Variants in RBFOX1 observed in about 807,000 individuals in gnomAD.
The protein encoded by RBFOX1 is RNA binding fox-1 homolog 1, also known as RNA binding protein fox-1 homolog 1.
A neutral mutation model predicts 57.7 loss-of-function variants in RBFOX1; 8 were observed. The observed-to-expected ratio is 0.14, with a 90% confidence interval of 0.08 to 0.25. The LOEUF (loss-of-function observed/expected upper bound fraction) is 0.25, where lower values mean the gene tolerates loss of function less well. RBFOX1 is among the 10% of genes least tolerant of loss of function. The probability of loss-of-function intolerance (pLI) is 1.00; values close to 1 mark genes in which losing one functional copy is unlikely to be tolerated. For missense variants in RBFOX1, 611 were observed against 548.5 expected, an observed-to-expected ratio of 1.11 and a Z score of -1.14; for synonymous variants, 326 against 222.4, an observed-to-expected ratio of 1.47 and a Z score of -4.15.
At chr16:6,497,505 A>G (rs1402605645) in intron 2 of RBFOX1, among the ~76,000 whole-genome samples, 6 of 152,034 alleles carry the variant, frequency 3.9e-5, no homozygotes. Flanking sequence ...GCAATGGAGC[A>G]AGGACATGTG....
At chr16:7,590,816 G>A (rs867651262) in intron 7 of RBFOX1, among the ~76,000 whole-genome samples, 105 of 133,606 alleles carry the variant, frequency 7.9e-4, no homozygotes, top group African/African-American at 2.8e-3. Flanking sequence ...CCGAGATCAA[G>A]ACATTGCATT....
At chr16:6,575,859 T>TAAAA (rs1221771150) in intron 2 of RBFOX1, among the ~76,000 whole-genome samples, 3 of 94,956 alleles carry the variant, frequency 3.2e-5, no homozygotes, top group Non-Finnish European at 6.7e-5. Context: ...TCCATCTCAA[T>TAAAA]AAAAAATAAA....
At chr16:6,572,990 C>G (rs2097366495) in intron 2 of RBFOX1, among the ~76,000 whole-genome samples, 1 of 152,172 alleles carries the variant, frequency 6.6e-6, no homozygotes, top group Non-Finnish European at 1.5e-5. Flanking sequence ...ACCTTGAACT[C>G]AAGTCTAGTC....
At chr16:5,292,976 T>C (rs2063572906) in intron 1 of RBFOX1, among the ~76,000 whole-genome samples, 1 of 152,056 alleles carries the variant, frequency 6.6e-6, no homozygotes, top group African/African-American at 2.4e-5. Context: ...GGTGTCCCAC[T>C]GTGACTTGGG....
chr16:5,654,389 T>C (rs1045142561), intron 3 of RBFOX1, among the ~76,000 whole-genome samples: 8 of 152,280 alleles, frequency 5.3e-5, no homozygotes, highest in African/African-American at 1.7e-4. Context: ...ATTTATACCA[T>C]GGAAATTAGC....
At chr16:6,193,140 G>T (rs1029916327) in intron 1 of RBFOX1, among the ~76,000 whole-genome samples, 1 of 151,558 alleles carries the variant, frequency 6.6e-6, no homozygotes, top group South Asian at 2.1e-4. Context: ...AATCGTGTTG[G>T]TGAGGCAATG....
intron 3 of RBFOX1, among the ~76,000 whole-genome samples, chr16:6,657,163 C>G (rs1031956029): frequency 2.0e-5 from 3 of 150,934 alleles, no homozygotes; most frequent in Non-Finnish European, 4.4e-5. Context: ...CTCTTTTCCT[C>G]CTTCCCTTTT....
At chr16:6,842,229 A>T (rs12596106) in intron 3 of RBFOX1, among the ~76,000 whole-genome samples, 4,841 of 152,222 alleles carry the variant, frequency 0.032, 250 homozygotes, top group Admixed American at 0.13. Context: ...GTCTCAGCTG[A>T]ATAATACCTC....
chr16:5,470,946 G>C (rs2069114207), intron 2 of RBFOX1, among the ~76,000 whole-genome samples: 1 of 152,118 alleles, frequency 6.6e-6, no homozygotes, highest in South Asian at 2.1e-4. Flanking sequence ...CCGCATCCTG[G>C]GTTCAAGCGA....
chr16:6,990,678 T>G (rs563833410), intron 3 of RBFOX1, among the ~76,000 whole-genome samples: 17 of 152,166 alleles, frequency 1.1e-4, no homozygotes, highest in Non-Finnish European at 2.5e-4. Flanking sequence ...AAAGCCGTGA[T>G]CAGTTTTGCA....
chr16:6,948,847 C>G (rs1355235511), intron 3 of RBFOX1, among the ~76,000 whole-genome samples: 1 of 152,134 alleles, frequency 6.6e-6, no homozygotes, highest in Admixed American at 6.5e-5. Flanking sequence ...TGTCATCAGT[C>G]TTCTGTCCGT....
intron 1 of RBFOX1, among the ~76,000 whole-genome samples, chr16:5,261,952 A>G (rs989518851): frequency 1.3e-5 from 2 of 152,196 alleles, no homozygotes; most frequent in Non-Finnish European, 2.9e-5. Flanking sequence ...GCTATATTCC[A>G]TGAGATATTT....
At chr16:5,962,044 T>C (rs1180689065) in intron 4 of RBFOX1, among the ~76,000 whole-genome samples, 1 of 152,226 alleles carries the variant, frequency 6.6e-6, no homozygotes, top group Non-Finnish European at 1.5e-5. Flanking sequence ...GCTCCTGTTC[T>C]CGTGGTACAA....
chr16:5,969,298 C>CTTTTTT (rs71142659), intron 4 of RBFOX1, among the ~76,000 whole-genome samples: 6,616 of 84,302 alleles, frequency 0.078, 5 homozygotes, highest in East Asian at 0.13. Context: ...TTCGGTTGTT[C>CTTTTTT]TTTTTTTTTT....
At chr16:6,206,062 G>C (rs1330195245) in intron 1 of RBFOX1, among the ~76,000 whole-genome samples, 3 of 151,942 alleles carry the variant, frequency 2.0e-5, no homozygotes. Flanking sequence ...TGAAGATGAG[G>C]CTGAAAAGTA....
chr16:7,090,788 T>A (rs952395337), intron 4 of RBFOX1, among the ~76,000 whole-genome samples: 1 of 152,142 alleles, frequency 6.6e-6, no homozygotes, highest in Non-Finnish European at 1.5e-5. Context: ...ACGGACTTCT[T>A]GGAAAAGCAG....
At chr16:7,494,622 T>A (rs1004445943) in intron 4 of RBFOX1, among the ~76,000 whole-genome samples, 1 of 152,176 alleles carries the variant, frequency 6.6e-6, no homozygotes, top group African/African-American at 2.4e-5. Flanking sequence ...ATGAAGGGTA[T>A]GCAGTTTTTA....
At chr16:6,194,105 G>C (rs999302807) in intron 1 of RBFOX1, among the ~76,000 whole-genome samples, 1 of 152,064 alleles carries the variant, frequency 6.6e-6, no homozygotes, top group Non-Finnish European at 1.5e-5. Flanking sequence ...TCCACATCTG[G>C]TCATCATTTC....
chr16:6,827,969 T>C (rs2092356135), intron 3 of RBFOX1, among the ~76,000 whole-genome samples: 1 of 152,206 alleles, frequency 6.6e-6, no homozygotes, highest in Non-Finnish European at 1.5e-5. Flanking sequence ...CTATGCTCTG[T>C]AGGGGACAAA....
Sources: allele counts gnomAD v4.1 joint callset (sites outside exome capture counted in the v4.1 genomes callset), GRCh38; gene constraint gnomAD v4.1.1; transcripts MANE v1.5; gene names NCBI Gene and HGNC (gene_info 2026-07-23, HGNC 2026-07-21).